The following ADGRL3 variants were observed in gnomAD, a reference collection of about 807,000 sequenced individuals.
The protein encoded by ADGRL3 is calcium-independent alpha-latrotoxin receptor 3.
A neutral mutation model predicts 153.5 loss-of-function variants in ADGRL3; 62 were observed. The ratio of observed to expected loss-of-function variants is 0.40; its 90% CI spans 0.33 to 0.50. The LOEUF (loss-of-function observed/expected upper bound fraction) is 0.50. Ranked by LOEUF, ADGRL3 falls within the 20% of genes least tolerant of loss-of-function variation. ADGRL3 has a pLI of 0.47. For missense variants in ADGRL3, 1,641 were observed against 1,859.4 expected (o/e 0.88, Z 2.16); for synonymous variants, 710 against 672.5 (o/e 1.06, Z -0.86).
chr4:61,299,338 T>C (rs1468894164), intron 1 of ADGRL3, among the ~76,000 whole-genome samples: 1 of 152,198 alleles, frequency 6.6e-6, no homozygotes, highest in Non-Finnish European at 1.5e-5. Context: ...CAGGTTCTCG[T>C]TATTTTAAAT....
rs1745253552 is a variant in ADGRL3, at chr4:62,070,465, G to C, written c.4189G>C (p.Glu1397Gln). 1.3e-6 allele frequency: 2 copies of C among 1,551,462 alleles called. No individual in the cohort carries two copies. Among genetic ancestry groups the C allele is most frequent in the Non-Finnish European group, 1.7e-6 (2 of 1,146,934 alleles). Residue 1397 changes from glutamate to glutamine, a missense_variant, in exon 27 of 27, where the codon GAG (glutamate) becomes CAG (glutamine). Glu to Gln is a conservative substitution (Grantham distance 29). Transcript: ENST00000683033. ...EESLGLELIH[E>Q]ESDAPLLPPR... ...GAGTTTGGGCCTGGAACTCATTCATGAGGAATCTGATGCTCCTTTGCTGCC... is the reference window on the plus strand; with the variant it reads ...GAGTTTGGGCCTGGAACTCATTCATCAGGAATCTGATGCTCCTTTGCTGCC...
chr4:61,264,847 T>C (rs2092750594), intron 1 of ADGRL3, among the ~76,000 whole-genome samples: 1 of 151,948 alleles, frequency 6.6e-6, no homozygotes, highest in Admixed American at 6.6e-5. Context: ...TGGGAAAAAG[T>C]GTTTCTTTAA....
intron 9 of ADGRL3, among the ~76,000 whole-genome samples, chr4:61,827,542 A>G (rs1275899616): frequency 3.3e-5 from 5 of 152,236 alleles, no homozygotes; most frequent in African/African-American, 9.6e-5. Context: ...ATTAGTTTGC[A>G]TAGAAATATT....
intron 2 of ADGRL3, among the ~76,000 whole-genome samples, chr4:61,461,763 A>T (rs1272806805): frequency 1.3e-5 from 2 of 152,158 alleles, no homozygotes; most frequent in East Asian, 3.9e-4. Flanking sequence ...TATTGAAAGG[A>T]TCTATAGAAA....
rs112439090 is a variant in ADGRL3 at position 61,795,778 on chromosome 4, G to A, written c.1400-18031G>A. Among the ~76,000 whole-genome samples, 1,096 of 152,218 alleles carry A rather than the reference G, an allele frequency of 7.2e-3. 16 individuals carry two copies. The highest frequency in any genetic ancestry group is 0.025 in the African/African-American group (1,049 of 41,530). On this transcript the variant is annotated intron_variant, in intron 8 of 26. Coordinates refer to ENST00000683033, the MANE Select transcript of ADGRL3 (RefSeq NM_001387552.1). ...TATTCCGCTTCCCCAAGCAGATTATGCATCAACCATGTTGGCAAATAACAA... is the reference window on the plus strand; with the variant it reads ...TATTCCGCTTCCCCAAGCAGATTATACATCAACCATGTTGGCAAATAACAA...
intron 21 of ADGRL3, among the ~76,000 whole-genome samples, chr4:62,019,471 T>G (rs2151358972): frequency 6.6e-6 from 1 of 152,246 alleles, no homozygotes; most frequent in African/African-American, 2.4e-5. Flanking sequence ...TTAAGATTTT[T>G]TATTTTGTGA....
At chr4:61,284,646 G>A (rs5008300) in intron 1 of ADGRL3, among the ~76,000 whole-genome samples, 117,866 of 151,626 alleles carry the variant, frequency 0.78, 46,262 homozygotes, top group Non-Finnish European at 0.84. Context: ...TTTAATGTTC[G>A]TGTTTTAAAA....
rs756893812 is a variant in ADGRL3 at position 61,586,568 on chromosome 4, CAT to C, written c.260-658_260-657del. The stretch of plus-strand genomic sequence containing the variant: ...GAAAAGAGGAGCGGGAGAACACACA[CAT>C]GTCTGTTTCTGTGAAGAAAATTCTA... On this transcript the variant is annotated intron_variant, in intron 4 of 26. Coordinates refer to ENST00000683033, the MANE Select transcript of ADGRL3 (RefSeq NM_001387552.1). Among the ~76,000 whole-genome samples, 45 of 152,088 alleles carry C rather than the reference CAT, an allele frequency of 3.0e-4. 1 individual carries two copies. Among genetic ancestry groups the C allele is most frequent in the African/African-American group, 9.9e-4 (41 of 41,530 alleles).
chr4:61,606,058 T>C (rs536405278), intron 5 of ADGRL3, among the ~76,000 whole-genome samples: 1 of 152,208 alleles, frequency 6.6e-6, no homozygotes, highest in Admixed American at 6.5e-5. Context: ...GGGCTCCTAA[T>C]GCAGCCTGAG....
chr4:61,231,064 T>C (rs969601004), intron 1 of ADGRL3, among the ~76,000 whole-genome samples: 1 of 152,112 alleles, frequency 6.6e-6, no homozygotes, highest in Non-Finnish European at 1.5e-5. Flanking sequence ...TAATGAATTA[T>C]TGTGTTAGAC....
chr4:61,245,386 G>A (rs1345927173), intron 1 of ADGRL3, among the ~76,000 whole-genome samples: 1 of 151,952 alleles, frequency 6.6e-6, no homozygotes, highest in East Asian at 1.9e-4. Flanking sequence ...ATAAAGCCTA[G>A]TCATCCTTCA....
intron 9 of ADGRL3, among the ~76,000 whole-genome samples, chr4:61,849,551 A>C (rs1311496996): frequency 6.6e-6 from 1 of 151,960 alleles, no homozygotes; most frequent in African/African-American, 2.4e-5. Flanking sequence ...AAGCAGGCGT[A>C]TCTTGACTCT....
At chr4:61,755,399 C>T (rs1287463108) in intron 8 of ADGRL3, among the ~76,000 whole-genome samples, 18 of 152,078 alleles carry the variant, frequency 1.2e-4, no homozygotes, top group Middle Eastern at 3.2e-3. Context: ...ATGTGTCTTT[C>T]GGCTACATAA....
chr4:61,909,773 GTGT>G (rs759898662), intron 12 of ADGRL3, 28 bp downstream of exon 12: 2 of 1,268,674 alleles, frequency 1.6e-6, no homozygotes, highest in South Asian at 3.2e-5. Context: ...GTGTGTGTGT[GTGT>G]GTGTGTGTGT....
At chr4:61,451,016 G>T (rs2097666988) in intron 2 of ADGRL3, among the ~76,000 whole-genome samples, 1 of 152,030 alleles carries the variant, frequency 6.6e-6, no homozygotes, top group Admixed American at 6.6e-5. Flanking sequence ...ATGAAAAAAA[G>T]TTAGTAACCA....
At chr4:61,301,926 G>A (rs777356725) in intron 1 of ADGRL3, among the ~76,000 whole-genome samples, 19 of 152,058 alleles carry the variant, frequency 1.2e-4, no homozygotes, top group Non-Finnish European at 2.2e-4. Flanking sequence ...TTTAATCTTC[G>A]GAAACTTAAG....
chr4:61,292,834 A>T (rs1169837341), intron 1 of ADGRL3, among the ~76,000 whole-genome samples: 1 of 152,132 alleles, frequency 6.6e-6, no homozygotes, highest in Non-Finnish European at 1.5e-5. Context: ...AGATTGCACC[A>T]CTGGGAAGGC....
At chr4:61,836,053 A>G (rs2097930086) in intron 9 of ADGRL3, among the ~76,000 whole-genome samples, 1 of 152,188 alleles carries the variant, frequency 6.6e-6, no homozygotes, top group Non-Finnish European at 1.5e-5. Flanking sequence ...GACAAAAAAC[A>G]AGACAGCGAG....
intron 5 of ADGRL3, among the ~76,000 whole-genome samples, chr4:61,597,989 C>A (rs1236596273): frequency 6.6e-6 from 1 of 152,032 alleles, no homozygotes; most frequent in Non-Finnish European, 1.5e-5. Context: ...CACAAATTTT[C>A]TCTGCAGAAT....
Sources: gnomAD v4.1 joint callset for allele counts (sites outside exome capture counted in the v4.1 genomes callset) on GRCh38, gnomAD v4.1.1 for gene constraint, MANE v1.5 for transcripts, NCBI Gene and HGNC (gene_info 2026-07-23, HGNC 2026-07-21) for gene names.